Variants in CNBD1 observed in about 807,000 individuals in gnomAD.
CNBD1 encodes the protein cyclic nucleotide binding domain containing 1, also known as cyclic nucleotide-binding domain-containing protein 1.
Under a neutral mutation model 54.4 loss-of-function variants are expected in CNBD1, and 71 were observed. The observed-to-expected ratio is 1.30, with a 90% CI of 1.08 to 1.59. CNBD1 has a LOEUF of 1.59. CNBD1 is among the 40% of genes most tolerant of loss of function. The probability of loss-of-function intolerance (pLI) is 0.00; values close to 1 mark genes in which losing one functional copy is unlikely to be tolerated. For synonymous variants in CNBD1, 182 were observed against 170.7 expected (o/e 1.07, Z -0.51); for missense variants, 659 against 518.0 (o/e 1.27, Z -2.64).
rs542539573 is a variant in CNBD1, at chr8:87,294,995, C to G, written c.1042+8324C>G. Among the ~76,000 whole-genome samples, 45 of 151,542 alleles carry G rather than the reference C, an allele frequency of 3.0e-4. 1 individual carries two copies. The highest frequency in any genetic ancestry group is 8.7e-4 in the African/African-American group (36 of 41,156). ...ATTCAAGAATCTTCAATTTATTTGCCATGAAGCTTCTTTTTTTATAACTGT... is the reference window on the plus strand; with the variant it reads ...ATTCAAGAATCTTCAATTTATTTGCGATGAAGCTTCTTTTTTTATAACTGT... On this transcript the variant is annotated intron_variant, in intron 8 of 10. Transcript: ENST00000518476.
intron 4 of CNBD1, among the ~76,000 whole-genome samples, chr8:86,950,553 T>C (rs1807591982): frequency 6.6e-6 from 1 of 152,162 alleles, no homozygotes; most frequent in African/African-American, 2.4e-5. Flanking sequence ...TGCTAGTATT[T>C]TGTTGAGGAT....
Position 87,342,278 on chromosome 8 carries a change from G to GA in CNBD1, c.1043-9393dup, listed in dbSNP as rs59161814. Among the ~76,000 whole-genome samples, 241 of 138,480 alleles carry GA rather than the reference G, an allele frequency of 1.7e-3. 1 individual carries two copies. Among genetic ancestry groups the GA allele is most frequent in the East Asian group, 4.7e-3 (20 of 4,248 alleles). The allele number at this position is 138,480 out of a possible 152,430, so 90.8% of individuals were successfully genotyped here. A position where few individuals can be genotyped will look rare whatever the true frequency, so the allele number is the denominator to read the frequency against. ...ACAGAGCAAGACTCCATCTCAAAAA[G>GA]AAAAAAAAAAAAAAGAAAACTCATC... On this transcript the variant is annotated intron_variant, in intron 8 of 10. Transcript: ENST00000518476.
chr8:87,222,096 CATCTGGCTTA>C (rs1484346604), intron 5 of CNBD1, among the ~76,000 whole-genome samples: 1 of 151,810 alleles, frequency 6.6e-6, no homozygotes, highest in African/African-American at 2.4e-5. Flanking sequence ...TAAATTAATC[CATCTGGCTTA>C]AAATTTATAT....
intron 8 of CNBD1, among the ~76,000 whole-genome samples, chr8:87,345,213 T>C (rs1446275361): frequency 6.6e-6 from 1 of 152,200 alleles, no homozygotes; most frequent in African/African-American, 2.4e-5. Context: ...CACTTATCTA[T>C]TTAAGTACAT....
intron 4 of CNBD1, among the ~76,000 whole-genome samples, chr8:87,171,670 G>T (rs1406112386): frequency 2.0e-5 from 3 of 150,366 alleles, no homozygotes; most frequent in African/African-American, 7.4e-5. Context: ...GCAGAGTCTA[G>T]CTCTGTCTCC....
chr8:87,413,974 G>A (rs1254281531), intron 2 of CNBD1, among the ~76,000 whole-genome samples: 15 of 151,972 alleles, frequency 9.9e-5, no homozygotes, highest in African/African-American at 2.7e-4. Flanking sequence ...CGATTCCTCA[G>A]GGATCTAGAG....
In CNBD1 at chr8:87,424,952, G is replaced by T. The variant is rs544551100; in HGVS notation, c.214-3594G>T. Among the ~76,000 whole-genome samples, 8 of 152,130 alleles carry T rather than the reference G, an allele frequency of 5.3e-5. No homozygotes were observed. The East Asian group carries it at 1.5e-3, about 29-fold the overall frequency. Reference sequence around the variant, plus strand: ...GTTCCATTCTCCCCATGACTTTCAGGTACACCAATCAGACGTAGATTTGGT... The same window carrying T: ...GTTCCATTCTCCCCATGACTTTCAGTTACACCAATCAGACGTAGATTTGGT... On this transcript the variant is annotated intron_variant, in intron 2 of 7. Coordinates refer to the CNBD1 transcript ENST00000521593.
At chr8:87,099,913 C>T (rs1291797064) in intron 4 of CNBD1, among the ~76,000 whole-genome samples, 1 of 152,028 alleles carries the variant, frequency 6.6e-6, no homozygotes, top group Non-Finnish European at 1.5e-5. Flanking sequence ...CATTCTGTGT[C>T]CGTATGCTTG....
At chr8:86,897,967 G>A (rs528854821) in intron 2 of CNBD1, among the ~76,000 whole-genome samples, 12 of 152,064 alleles carry the variant, frequency 7.9e-5, no homozygotes, top group Non-Finnish European at 1.6e-4. Flanking sequence ...CAACTTTAGT[G>A]TTCATCATTA....
At chr8:86,924,601 T>A (rs1469413573) in intron 3 of CNBD1, among the ~76,000 whole-genome samples, 2 of 151,982 alleles carry the variant, frequency 1.3e-5, no homozygotes, top group Admixed American at 1.3e-4. Flanking sequence ...ACAATGAATA[T>A]TTTTTTGCCT....
intron 4 of CNBD1, among the ~76,000 whole-genome samples, chr8:87,035,422 T>C (rs1407052251): frequency 1.3e-5 from 2 of 152,234 alleles, no homozygotes; most frequent in Non-Finnish European, 2.9e-5. Flanking sequence ...ATTTTAATCA[T>C]TGCAATGCTT....
intron 2 of CNBD1, among the ~76,000 whole-genome samples, chr8:87,414,025 T>C (rs1807796180): frequency 6.6e-6 from 1 of 152,110 alleles, no homozygotes; most frequent in Non-Finnish European, 1.5e-5. Flanking sequence ...TTACTGGGTA[T>C]ATACCCAAAG....
At chr8:87,302,043 G>A (rs920422146) in intron 8 of CNBD1, among the ~76,000 whole-genome samples, 7 of 152,080 alleles carry the variant, frequency 4.6e-5, no homozygotes, top group South Asian at 2.1e-4. Flanking sequence ...ATTCACAGCC[G>A]AATTCTACCA....
chr8:87,361,709 T>TA (rs1554582984), intron 10 of CNBD1, among the ~76,000 whole-genome samples: 2 of 150,264 alleles, frequency 1.3e-5, no homozygotes, highest in Admixed American at 6.6e-5. Flanking sequence ...TATATATATA[T>TA]TCTTGTTCAC....
intron 5 of CNBD1, among the ~76,000 whole-genome samples, chr8:87,221,506 C>T (rs2130809300): frequency 6.6e-6 from 1 of 152,160 alleles, no homozygotes; most frequent in East Asian, 1.9e-4. Context: ...ATCTGTCAAT[C>T]AAAATTGTAT....
At chr8:87,376,893 T>G (rs569113484) in intron 10 of CNBD1, among the ~76,000 whole-genome samples, 2 of 151,766 alleles carry the variant, frequency 1.3e-5, no homozygotes, top group African/African-American at 2.4e-5. Flanking sequence ...ATCAGAACCT[T>G]AGAAAGAAGA....
At chr8:87,321,569 T>C (rs1809533448) in intron 8 of CNBD1, among the ~76,000 whole-genome samples, 1 of 152,166 alleles carries the variant, frequency 6.6e-6, no homozygotes, top group South Asian at 2.1e-4. Context: ...TTATAGATGT[T>C]CCTTATATAT....
intron 8 of CNBD1, among the ~76,000 whole-genome samples, chr8:87,349,120 TTAAG>T (rs1409159260): frequency 6.6e-6 from 1 of 152,306 alleles, no homozygotes; most frequent in East Asian, 1.9e-4. Context: ...TAGTTCATGA[TTAAG>T]TCTTTTCATT....
chr8:87,137,449 G>A (rs1419992526), intron 4 of CNBD1, among the ~76,000 whole-genome samples: 5 of 151,506 alleles, frequency 3.3e-5, no homozygotes, highest in Non-Finnish European at 5.9e-5. Context: ...TGATCCGCCC[G>A]CCTCAGCCTC....
Sources: allele counts gnomAD v4.1 joint callset (sites outside exome capture counted in the v4.1 genomes callset), GRCh38; gene constraint gnomAD v4.1.1; transcripts MANE v1.5; gene names NCBI Gene and HGNC (gene_info 2026-07-23, HGNC 2026-07-21).